Variants in PTPRD observed in about 807,000 individuals in gnomAD.
The protein encoded by PTPRD is receptor-type tyrosine-protein phosphatase delta.
In PTPRD, 34 loss-of-function variants were observed where a neutral mutation model predicts 214.5. The observed-to-expected ratio is 0.16, with a 90% CI of 0.12 to 0.21. The LOEUF (loss-of-function observed/expected upper bound fraction) is 0.21, where lower values mean the gene tolerates loss of function less well. PTPRD is among the 10% of genes least tolerant of loss of function. The pLI is 1.00. For missense variants in PTPRD, 2,545 were observed against 2,398.7 expected (o/e 1.06, Z -1.27); for synonymous variants, 1,128 against 845.7 (o/e 1.33, Z -5.79).
At chr9:9,266,624 T>A (rs761380355) in intron 9 of PTPRD, among the ~76,000 whole-genome samples, 1 of 148,850 alleles carries the variant, frequency 6.7e-6, no homozygotes, top group Non-Finnish European at 1.5e-5. Context: ...TATAAATAAG[T>A]GGAAATTAAG....
At chr9:8,567,119 T>C (rs2089542965) in intron 14 of PTPRD, among the ~76,000 whole-genome samples, 1 of 152,186 alleles carries the variant, frequency 6.6e-6, no homozygotes, top group Non-Finnish European at 1.5e-5. Flanking sequence ...ATCAGTACGT[T>C]ATAAACAATG....
chr9:10,059,682 G>A (rs992502661), intron 3 of PTPRD, among the ~76,000 whole-genome samples: 8 of 151,230 alleles, frequency 5.3e-5, no homozygotes, highest in African/African-American at 1.9e-4. Flanking sequence ...TTAGATATGA[G>A]GATTAACAAA....
intron 9 of PTPRD, among the ~76,000 whole-genome samples, chr9:9,328,027 T>C (rs1253097854): frequency 6.6e-6 from 1 of 152,160 alleles, no homozygotes; most frequent in Admixed American, 6.6e-5. Context: ...CTGGACAAGC[T>C]TGATGTACAT....
intron 11 of PTPRD, among the ~76,000 whole-genome samples, chr9:8,758,739 G>T (rs1371073413): frequency 6.6e-6 from 1 of 151,412 alleles, no homozygotes; most frequent in Non-Finnish European, 1.5e-5. Flanking sequence ...GAGGAGGAAA[G>T]AACGAGATAT....
In PTPRD at chr9:9,407,394, C is replaced by T. The variant is rs571363694; in HGVS notation, c.-236-9912G>A. Among the ~76,000 whole-genome samples the T allele has an allele frequency of 7.3e-5, 11 of 151,710 alleles. 1 individual carries two copies. The South Asian group carries it at 2.1e-3, about 29-fold the overall frequency. On this transcript the variant is annotated intron_variant, in intron 8 of 45. Coordinates refer to ENST00000381196, the MANE Select transcript of PTPRD (RefSeq NM_002839.4). ...TGATTATAAATAATGGTTCTATAAA[C>T]ATATTTGTACGTGTTTAATTGTGAT...
At chr9:9,658,768 G>C (rs1253658806) in intron 7 of PTPRD, among the ~76,000 whole-genome samples, 1 of 152,050 alleles carries the variant, frequency 6.6e-6, no homozygotes, top group African/African-American at 2.4e-5. Flanking sequence ...AATCTTTATT[G>C]AGATCTTATT....
At position 10,533,532 on chromosome 9, in the gene PTPRD, TG is replaced by T. The variant is rs200873322; in HGVS notation, c.-600+78865del. Among the ~76,000 whole-genome samples, 510 of 136,636 alleles carry T rather than the reference TG, an allele frequency of 3.7e-3. 1 individual carries two copies. Among genetic ancestry groups the T allele is most frequent in the African/African-American group, 0.012 (472 of 40,352 alleles). 89.6% of individuals were successfully genotyped at this position (136,636 alleles called of 152,430 possible). ...GTATTGAAATTAGTCTAATTTTTGG[TG>T]TTTTTTTTTCAGTAATGTATTAAAG... On this transcript the variant is annotated intron_variant, in intron 2 of 45. Coordinates refer to ENST00000381196, the MANE Select transcript of PTPRD (RefSeq NM_002839.4).
intron 12 of PTPRD, among the ~76,000 whole-genome samples, chr9:8,680,520 A>C (rs2097530767): frequency 6.6e-6 from 1 of 152,174 alleles, no homozygotes; most frequent in Non-Finnish European, 1.5e-5. Flanking sequence ...TTCAGAACCT[A>C]GTAAATTCAA....
At chr9:10,151,713 C>T (rs891096701) in intron 3 of PTPRD, among the ~76,000 whole-genome samples, 3 of 152,080 alleles carry the variant, frequency 2.0e-5, no homozygotes, top group African/African-American at 7.2e-5. Flanking sequence ...GTCCCAAACC[C>T]TCAACCCACA....
At chr9:8,371,561 C>A (rs1040091776) in intron 39 of PTPRD, among the ~76,000 whole-genome samples, 1 of 151,956 alleles carries the variant, frequency 6.6e-6, no homozygotes, top group African/African-American at 2.4e-5. Context: ...TCCAGAGTTA[C>A]AACTCAAATG....
At chr9:8,677,256 C>A (rs938497346) in intron 12 of PTPRD, among the ~76,000 whole-genome samples, 4 of 152,126 alleles carry the variant, frequency 2.6e-5, no homozygotes, top group African/African-American at 9.7e-5. Context: ...ATAGCAAAGA[C>A]ACGGAATCAA....
At chr9:8,980,801 C>T (rs534263645) in intron 11 of PTPRD, among the ~76,000 whole-genome samples, 1 of 152,182 alleles carries the variant, frequency 6.6e-6, no homozygotes, top group South Asian at 2.1e-4. Flanking sequence ...CAAAGCCAAT[C>T]CCTGGGGACT....
At chr9:10,543,828 G>C (rs962185896) in intron 2 of PTPRD, among the ~76,000 whole-genome samples, 2 of 152,146 alleles carry the variant, frequency 1.3e-5, no homozygotes, top group African/African-American at 4.8e-5. Flanking sequence ...CATCTTAACA[G>C]AAACATAAAA....
intron 33 of PTPRD, 128 bp from the exon 34 acceptor site, chr9:8,449,965 G>A (rs2095871851): frequency 1.2e-6 from 1 of 864,722 alleles, no homozygotes; most frequent in African/African-American, 1.7e-5. Context: ...CAACCCAGCT[G>A]ACTTGTGACC....
In PTPRD at chr9:9,873,497, G is replaced by A. The variant is rs184475400; in HGVS notation, c.-368+65010C>T. 4.6e-3 allele frequency among the ~76,000 whole-genome samples: 703 copies of A among 151,818 alleles called. 3 individuals carry two copies. Among genetic ancestry groups the A allele is most frequent in the Non-Finnish European group, 7.4e-3 (505 of 67,972 alleles). On this transcript the variant is annotated intron_variant, in intron 5 of 45. Coordinates refer to ENST00000381196, the MANE Select transcript of PTPRD (RefSeq NM_002839.4). ...TTTTTTCTATAAGGGCAGTTAATAA[G>A]AGGTAAAGTAACAATGACTCTCTGG...
intron 2 of PTPRD, among the ~76,000 whole-genome samples, chr9:10,587,892 G>C (rs770457773): frequency 4.6e-5 from 7 of 151,892 alleles, no homozygotes; most frequent in Admixed American, 6.6e-5. Flanking sequence ...GCTGAAAATA[G>C]GACATAGGCC....
chr9:9,878,889 A>G (rs942593511), intron 5 of PTPRD, among the ~76,000 whole-genome samples: 3 of 152,164 alleles, frequency 2.0e-5, no homozygotes, highest in Admixed American at 6.6e-5. Context: ...TCCACAATCA[A>G]ACATCAGCTA....
intron 11 of PTPRD, among the ~76,000 whole-genome samples, chr9:8,926,724 A>C (rs1218249975): frequency 1.3e-5 from 2 of 152,214 alleles, no homozygotes; most frequent in Admixed American, 6.5e-5. Context: ...ATTTTTATGT[A>C]TATAACTTGG....
chr9:8,878,500 C>T (rs1310390861), intron 11 of PTPRD, among the ~76,000 whole-genome samples: 1 of 151,876 alleles, frequency 6.6e-6, no homozygotes, highest in Non-Finnish European at 1.5e-5. Flanking sequence ...AACAGAAGTG[C>T]TCTGATTCTT....
Sources: allele counts gnomAD v4.1 joint callset (sites outside exome capture counted in the v4.1 genomes callset), GRCh38; gene constraint gnomAD v4.1.1; transcripts MANE v1.5; gene names NCBI Gene and HGNC (gene_info 2026-07-23, HGNC 2026-07-21).